The following UBTD2 variants were observed in gnomAD, a reference collection of about 807,000 sequenced individuals.
The protein encoded by UBTD2 is ubiquitin domain-containing protein 2.
A neutral mutation model predicts 19.8 loss-of-function variants in UBTD2; 9 were observed. The observed-to-expected ratio is 0.46, with a 90% CI of 0.27 to 0.79. The LOEUF is 0.79. Ranked by LOEUF, UBTD2 falls within the 30% of genes least tolerant of loss-of-function variation. The pLI is 0.14. For synonymous variants in UBTD2, 98 were observed against 103.9 expected, an observed-to-expected ratio of 0.94 and a Z score of 0.35; for missense variants, 250 against 300.4, an observed-to-expected ratio of 0.83 and a Z score of 1.24.
At chr5:172,276,003 C>T (rs548771156) in intron 1 of UBTD2, among the ~76,000 whole-genome samples, 1 of 152,256 alleles carries the variant, frequency 6.6e-6, no homozygotes, top group South Asian at 2.1e-4. Flanking sequence ...TAGTCTCTTC[C>T]CACTTTAGGC....
chr5:172,253,558 A>G (rs1488004503), intron 1 of UBTD2, among the ~76,000 whole-genome samples: 4 of 151,934 alleles, frequency 2.6e-5, no homozygotes, highest in African/African-American at 7.3e-5. Flanking sequence ...GGTTCAAGCA[A>G]TTCTCTTGCC....
At chr5:172,265,303 C>A (rs1267426974) in intron 1 of UBTD2, among the ~76,000 whole-genome samples, 1 of 152,140 alleles carries the variant, frequency 6.6e-6, no homozygotes, top group African/African-American at 2.4e-5. Flanking sequence ...ATAATTTCAC[C>A]CAAAACCGAA....
At chr5:172,221,382 G>A (rs190575273) in intron 2 of UBTD2, among the ~76,000 whole-genome samples, 8 of 152,194 alleles carry the variant, frequency 5.3e-5, no homozygotes, top group East Asian at 3.9e-4. Flanking sequence ...GTGCCTGCCC[G>A]TAGTCCCACC....
chr5:172,275,052 C>G (rs913565565), intron 1 of UBTD2, among the ~76,000 whole-genome samples: 1 of 152,144 alleles, frequency 6.6e-6, no homozygotes, highest in African/African-American at 2.4e-5. Context: ...AAAGAACTGC[C>G]TGAGACTAGG....
At chr5:172,239,865 T>C (rs924761718) in intron 1 of UBTD2, among the ~76,000 whole-genome samples, 5 of 151,902 alleles carry the variant, frequency 3.3e-5, no homozygotes, top group Non-Finnish European at 5.9e-5. Flanking sequence ...GATCACACCA[T>C]TGCACTCCAG....
chr5:172,230,654 C>A (rs2113889479), intron 2 of UBTD2, among the ~76,000 whole-genome samples: 1 of 152,154 alleles, frequency 6.6e-6, no homozygotes, highest in African/African-American at 2.4e-5. Flanking sequence ...AAGACCAGAA[C>A]TGATATCGAA....
At chr5:172,233,489 G>A (rs924850390) in intron 2 of UBTD2, among the ~76,000 whole-genome samples, 2 of 152,130 alleles carry the variant, frequency 1.3e-5, no homozygotes, top group Non-Finnish European at 2.9e-5. Flanking sequence ...CAGCATATGT[G>A]TATCCCCAGA....
chr5:172,252,569 G>A (rs1036641101), intron 1 of UBTD2: 8 of 152,194 alleles, frequency 5.3e-5, no homozygotes, highest in East Asian at 3.8e-4. Context: ...CTGAGACCAC[G>A]ATCAAGGGAA....
At chr5:172,254,130 C>T (rs927436291) in intron 1 of UBTD2, among the ~76,000 whole-genome samples, 39 of 152,072 alleles carry the variant, frequency 2.6e-4, no homozygotes, top group African/African-American at 8.5e-4. Flanking sequence ...GACAGAGTCT[C>T]GCTCTGTCGC....
chr5:172,263,759 C>T (rs1253938690), intron 1 of UBTD2, among the ~76,000 whole-genome samples: 1 of 152,078 alleles, frequency 6.6e-6, no homozygotes, highest in Non-Finnish European at 1.5e-5. Flanking sequence ...CGCCACTGCA[C>T]TCCAGCCTGG....
Position 172,267,017 on chromosome 5 carries a change from T to C in UBTD2, c.70+16579A>G, listed in dbSNP as rs1030151415. Among the ~76,000 whole-genome samples, 6 of 139,396 alleles carry C rather than the reference T, an allele frequency of 4.3e-5. No homozygotes were observed. In the South Asian group the frequency reaches 1.3e-3, roughly 31 times the overall value. The allele number at this position is 139,396 out of a possible 152,430, so 91.4% of individuals were successfully genotyped here. A position where few individuals can be genotyped will look rare whatever the true frequency, so the allele number is the denominator to read the frequency against. On this transcript the variant is annotated intron_variant, in intron 1 of 2. Transcript: ENST00000393792. ...CTCTGATCACACCACTGCACTCCAC[T>C]AGGTAACAGAGAGCCTCTCTTTAAA...
Position 172,254,755 on chromosome 5 carries a change from AG to A in UBTD2, c.71-20398del, listed in dbSNP as rs538011931. On this transcript the variant is annotated intron_variant, in intron 1 of 2. Transcript: ENST00000393792. ...GTGGGGGGGAACACTGAGTTCATTA[AG>A]GGGGGGGTGACATTTCTTCAGGATA... 698 of 244,592 alleles carry A rather than the reference AG, an allele frequency of 2.9e-3. 4 individuals carry two copies. Among genetic ancestry groups the A allele is most frequent in the African/African-American group, 0.015 (373 of 25,236 alleles). 15.2% of individuals were successfully genotyped at this position (244,592 alleles called of 1,614,324 possible). A position where few individuals can be genotyped will look rare whatever the true frequency, so the allele number is the denominator to read the frequency against.
intron 2 of UBTD2, among the ~76,000 whole-genome samples, chr5:172,233,847 G>A (rs6556006): frequency 0.73 from 104,454 of 144,050 alleles, 39,214 homozygotes; most frequent in African/African-American, 0.93. Context: ...CTTCATGGAG[G>A]ACTAGGTTAC....
chr5:172,224,815 C>T (rs1324259270), intron 2 of UBTD2, among the ~76,000 whole-genome samples: 1 of 152,078 alleles, frequency 6.6e-6, no homozygotes, highest in Non-Finnish European at 1.5e-5. Flanking sequence ...TGAAAACAGA[C>T]TAATACAGAG....
In UBTD2 at chr5:172,211,964, T is replaced by C. The variant is rs199775301; in HGVS notation, c.571A>G (p.Ser191Gly). 2.9e-4 allele frequency: 471 copies of C among 1,614,204 alleles called. 2 individuals are homozygous for C. Among genetic ancestry groups the C allele is most frequent in the Non-Finnish European group, 3.8e-5 (45 of 1,180,032 alleles). Residue 191 changes from serine (S) to glycine (G), a missense_variant, in exon 3 of 3, where the codon AGT becomes GGT. Physicochemically the swap from Ser to Gly is moderately conservative, Grantham distance 56. Coordinates refer to ENST00000393792, the MANE Select transcript of UBTD2 (RefSeq NM_152277.3). ...CTGCCAGAAAAAAACCACCGCTGAC[T>C]ACCTGGTTCCACTCCCTCTGCTGCA... The part of the protein sequence containing the change: ...LHAAEGVEPG[S>G]QRWFFSGRPL...
At chr5:172,237,644 C>T (rs564440531) in intron 1 of UBTD2, among the ~76,000 whole-genome samples, 2 of 152,232 alleles carry the variant, frequency 1.3e-5, no homozygotes, top group Non-Finnish European at 1.5e-5. Flanking sequence ...AATGACTAAC[C>T]TTTGTTAAAT....
intron 2 of UBTD2, among the ~76,000 whole-genome samples, chr5:172,213,539 G>C (rs1307453520): frequency 1.3e-5 from 2 of 152,082 alleles, no homozygotes; most frequent in African/African-American, 4.8e-5. Context: ...TCAGGGAAGG[G>C]AAAAAGCACT....
rs1025851656 is a variant in UBTD2 at position 172,211,082 on chromosome 5, A to C, written c.*748T>G. 7.2e-5 allele frequency: 11 copies of C among 152,306 alleles called. No homozygotes were observed. The East Asian group carries it at 1.4e-3, about 19-fold the overall frequency. The allele number at this position is 152,306 out of a possible 1,614,324, so 9.4% of individuals were successfully genotyped here. On this transcript the variant is annotated 3_prime_UTR_variant, in exon 3 of 3. Transcript: ENST00000393792. The stretch of plus-strand genomic sequence containing the variant: ...CAAGATGACAGCGACTTTTCAACTG[A>C]GTATCTGTTGAAACTCAAGAGACCT...
At chr5:172,223,201 T>G (rs537612604) in intron 2 of UBTD2, among the ~76,000 whole-genome samples, 17 of 152,318 alleles carry the variant, frequency 1.1e-4, no homozygotes, top group African/African-American at 4.1e-4. Flanking sequence ...CCAGGTTCCA[T>G]GAGATGCTTC....
Sources: gnomAD v4.1 joint callset for allele counts (sites outside exome capture counted in the v4.1 genomes callset) on GRCh38, gnomAD v4.1.1 for gene constraint, MANE v1.5 for transcripts, NCBI Gene and HGNC (gene_info 2026-07-23, HGNC 2026-07-21) for gene names.